The following CCPG1 variants were observed in gnomAD, a reference collection of about 807,000 sequenced individuals.
CCPG1 encodes the protein cell cycle progression 1.
CCPG1 carries 46 observed loss-of-function variants against 81.3 expected under a neutral mutation model. The ratio of observed to expected loss-of-function variants is 0.57; its 90% CI spans 0.45 to 0.72. The LOEUF (loss-of-function observed/expected upper bound fraction) is 0.72. Among genes scored for constraint, CCPG1 ranks in the 30% least tolerant of loss-of-function variants. The probability of loss-of-function intolerance (pLI) is 0.00; values close to 1 mark genes in which losing one functional copy is unlikely to be tolerated. For synonymous variants in CCPG1, 330 were observed against 305.2 expected (o/e 1.08, Z -0.85); for missense variants, 902 against 937.6 (o/e 0.96, Z 0.50).
intron 3 of CCPG1, among the ~76,000 whole-genome samples, chr15:55,382,676 A>AT (rs1339394735): frequency 2.6e-5 from 4 of 151,904 alleles, no homozygotes; most frequent in Non-Finnish European, 5.9e-5. Flanking sequence ...CGCCCAGCTA[A>AT]TTGTTTGTAT....
chr15:55,376,362 C>A (rs1156706066), intron 5 of CCPG1, among the ~76,000 whole-genome samples: 1 of 152,164 alleles, frequency 6.6e-6, no homozygotes, highest in Admixed American at 6.5e-5. Context: ...TCTGTCTGTA[C>A]AACGGGCATT....
chr15:55,388,281 C>T (rs972578751), intron 2 of CCPG1, among the ~76,000 whole-genome samples: 7 of 152,082 alleles, frequency 4.6e-5, no homozygotes, highest in African/African-American at 1.7e-4. Flanking sequence ...TTCTGTTTAT[C>T]AATATACTGC....
Position 55,355,342 on chromosome 15 carries a change from C to G in CCPG1, c.*878G>C. 1 of 1,610,732 alleles carries G rather than the reference C, an allele frequency of 6.2e-7. No individual in the cohort carries two copies. The highest frequency in any genetic ancestry group is 8.5e-7 in the Non-Finnish European group (1 of 1,177,182). Reference sequence around the variant, plus strand: ...ATAAAAGAACTGCTGTTTTCTTCCACACTCACTTGCCAGAGGGTCGAATTG... The same window carrying G: ...ATAAAAGAACTGCTGTTTTCTTCCAGACTCACTTGCCAGAGGGTCGAATTG... On this transcript the variant is annotated 3_prime_UTR_variant, in exon 9 of 9. Coordinates refer to ENST00000442196, the MANE Select transcript of CCPG1 (RefSeq NM_001204450.2).
chr15:55,378,238 C>T, intron 4 of CCPG1, 62 bp downstream of exon 4: 1 of 999,590 alleles, frequency 1.0e-6, no homozygotes, highest in Non-Finnish European at 1.5e-6. Context: ...GAATTAGAGG[C>T]TTTAAATAGT....
rs2056067609 is a variant in CCPG1, at chr15:55,355,815, G to GT, written c.*404_*405insA. On this transcript the variant is annotated 3_prime_UTR_variant, in exon 9 of 9. Transcript: ENST00000442196. Reference sequence around the variant, plus strand: ...TGTAAGATTATAAAATGTTAATGATGAAATTCCAGAACAATGTACTTTTCT... The same window carrying GT: ...TGTAAGATTATAAAATGTTAATGATGTAAATTCCAGAACAATGTACTTTTCT... The GT allele has an allele frequency of 4.5e-6, 1 of 222,472 alleles. No homozygotes were observed. Among genetic ancestry groups the GT allele is most frequent in the East Asian group, 1.2e-4 (1 of 8,436 alleles). The allele number at this position is 222,472 out of a possible 1,614,324, so 13.8% of individuals were successfully genotyped here. A position where few individuals can be genotyped will look rare whatever the true frequency, so the allele number is the denominator to read the frequency against.
intron 1 of CCPG1, among the ~76,000 whole-genome samples, chr15:55,407,039 C>T (rs1483432057): frequency 7.6e-6 from 1 of 131,388 alleles, no homozygotes; most frequent in Admixed American, 7.0e-5. Context: ...ACGTTGAGAC[C>T]CCCCCCCCCG....
At chr15:55,380,524 T>G (rs1014548868) in intron 3 of CCPG1, among the ~76,000 whole-genome samples, 48 of 151,860 alleles carry the variant, frequency 3.2e-4, no homozygotes, top group African/African-American at 1.1e-3. Flanking sequence ...CTTGATCTCC[T>G]GACCCCGTAA....
At chr15:55,407,216 G>A (rs1465916592) in intron 1 of CCPG1, among the ~76,000 whole-genome samples, 5 of 121,024 alleles carry the variant, frequency 4.1e-5, no homozygotes, top group East Asian at 2.6e-4. Flanking sequence ...CAACAAGAGC[G>A]AAACCCTCTC....
At chr15:55,382,184 C>T (rs2056712319) in intron 3 of CCPG1, among the ~76,000 whole-genome samples, 1 of 152,104 alleles carries the variant, frequency 6.6e-6, no homozygotes, top group Non-Finnish European at 1.5e-5. Flanking sequence ...AGTATGACAA[C>T]ACTGAAGTTT....
intron 8 of CCPG1, chr15:55,357,314 T>A: frequency 1.0e-6 from 1 of 984,936 alleles, no homozygotes; most frequent in Non-Finnish European, 1.2e-6. Context: ...TCAATGTTAC[T>A]ATTTTCCAAA....
rs560794738 is a variant in CCPG1, at chr15:55,374,195, A to T, written c.455-2151T>A. On this transcript the variant is annotated intron_variant, in intron 5 of 8. Transcript: ENST00000442196. The stretch of plus-strand genomic sequence containing the variant: ...GGCTAGGAACATGGTGTTTCAGCTG[A>T]TCATCCCATCCCCATATGCACTCAG... The T allele has an allele frequency of 5.8e-4, 745 of 1,289,120 alleles. 11 individuals carry two copies. In the South Asian group the frequency reaches 8.7e-3, roughly 15 times the overall value. 79.9% of individuals were successfully genotyped at this position (1,289,120 alleles called of 1,614,324 possible).
chr15:55,400,709 C>G (rs1255380412), intron 1 of CCPG1, among the ~76,000 whole-genome samples: 3 of 152,190 alleles, frequency 2.0e-5, no homozygotes, highest in Non-Finnish European at 2.9e-5. Context: ...TTAATTTCCG[C>G]TCATCTCATG....
At chr15:55,400,833 T>A (rs1418737003) in intron 1 of CCPG1, among the ~76,000 whole-genome samples, 2 of 152,222 alleles carry the variant, frequency 1.3e-5, no homozygotes, top group Admixed American at 6.5e-5. Flanking sequence ...TATATTCATA[T>A]GTTCACTTTC....
chr15:55,389,481 T>C (rs1566979302), intron 1 of CCPG1, 48 bp from the exon 2 acceptor site: 1 of 1,334,778 alleles, frequency 7.5e-7, no homozygotes, highest in Non-Finnish European at 1.1e-6. Context: ...TTTTTTTAAT[T>C]CTATAGGAAG....
At chr15:55,370,982 G>A (rs1440417696) in intron 6 of CCPG1, among the ~76,000 whole-genome samples, 1 of 151,808 alleles carries the variant, frequency 6.6e-6, no homozygotes, top group African/African-American at 2.4e-5. Flanking sequence ...GCATGGTGGC[G>A]GGCGCCTGTT....
intron 7 of CCPG1, among the ~76,000 whole-genome samples, chr15:55,363,363 CA>C (rs11342479): frequency 0.2 from 27,717 of 138,160 alleles, 4,895 homozygotes; most frequent in African/African-American, 0.44. Context: ...AAAAAACAAA[CA>C]AAACAAAAAA....
At chr15:55,363,405 C>G (rs1161391607) in intron 7 of CCPG1, among the ~76,000 whole-genome samples, 1 of 145,300 alleles carries the variant, frequency 6.9e-6, no homozygotes, top group East Asian at 2.2e-4. Flanking sequence ...ACTACAAACT[C>G]TCTCTAGAGG....
At chr15:55,399,417 C>CAAAAAAAAAAAAAA (rs56191750) in intron 1 of CCPG1, among the ~76,000 whole-genome samples, 9 of 63,110 alleles carry the variant, frequency 1.4e-4, no homozygotes, top group Non-Finnish European at 1.7e-4. Context: ...ACTAAAAATA[C>CAAAAAAAAAAAAAA]AAAAAAAAAA....
chr15:55,389,668 T>C (rs1459923973), intron 1 of CCPG1, among the ~76,000 whole-genome samples: 1 of 152,186 alleles, frequency 6.6e-6, no homozygotes, highest in African/African-American at 2.4e-5. Context: ...TCAACAGTTA[T>C]ATTGTTGGAA....
Sources: allele counts gnomAD v4.1 joint callset (sites outside exome capture counted in the v4.1 genomes callset), GRCh38; gene constraint gnomAD v4.1.1; transcripts MANE v1.5; gene names NCBI Gene and HGNC (gene_info 2026-07-23, HGNC 2026-07-21).